The following CYYR1 variants were observed in gnomAD, a reference collection of about 807,000 sequenced individuals.
The protein encoded by CYYR1 is cysteine and tyrosine rich 1.
In CYYR1, 14 loss-of-function variants were observed where a neutral mutation model predicts 15.2. The ratio of observed to expected loss-of-function variants is 0.92; its 90% confidence interval spans 0.61 to 1.44. The LOEUF (loss-of-function observed/expected upper bound fraction) is 1.44. CYYR1 is among the 40% of genes most tolerant of loss of function. CYYR1 has a pLI of 0.00. For missense variants in CYYR1, 228 were observed against 209.5 expected (o/e 1.09, Z -0.54); for synonymous variants, 80 against 77.4 (o/e 1.03, Z -0.18).
At chr21:26,567,019 A>T (rs1298611726) in intron 1 of CYYR1, among the ~76,000 whole-genome samples, 1 of 152,112 alleles carries the variant, frequency 6.6e-6, no homozygotes, top group African/African-American at 2.4e-5. Context: ...AAAAAAAAAA[A>T]AAAAAAAAAG....
At chr21:26,570,464 C>T (rs1980938752) in intron 1 of CYYR1, among the ~76,000 whole-genome samples, 3 of 152,276 alleles carry the variant, frequency 2.0e-5, no homozygotes, top group South Asian at 2.1e-4. Context: ...TGGCTGAGGC[C>T]CGGAAGGTAA....
At chr21:26,566,115 G>A (rs144109364) in intron 2 of CYYR1, 151 bp downstream of exon 2, 100 of 565,104 alleles carry the variant, frequency 1.8e-4, no homozygotes, top group African/African-American at 1.6e-3. Context: ...ATTAGATAGC[G>A]ATGTGTTAAT....
At chr21:26,502,075 A>G (rs1259521599) in intron 2 of CYYR1, among the ~76,000 whole-genome samples, 1 of 152,196 alleles carries the variant, frequency 6.6e-6, no homozygotes, top group Non-Finnish European at 1.5e-5. Context: ...ATCCTAAAAT[A>G]TTTCATTCTA....
chr21:26,536,194 A>G (rs1438139027), intron 2 of CYYR1, among the ~76,000 whole-genome samples: 1 of 152,130 alleles, frequency 6.6e-6, no homozygotes, highest in African/African-American at 2.4e-5. Flanking sequence ...GTCCACCCCC[A>G]TGATTCAATT....
intron 3 of CYYR1, among the ~76,000 whole-genome samples, chr21:26,472,642 G>A (rs924849192): frequency 6.6e-6 from 1 of 151,862 alleles, no homozygotes; most frequent in Non-Finnish European, 1.5e-5. Context: ...TCTAAATGAG[G>A]ATCTTAATTT....
chr21:26,511,157 T>C (rs1230264849), intron 2 of CYYR1, among the ~76,000 whole-genome samples: 2 of 152,242 alleles, frequency 1.3e-5, no homozygotes, highest in Non-Finnish European at 2.9e-5. Flanking sequence ...TTTCACATAG[T>C]AAACAGATAT....
chr21:26,482,361 A>G, intron 2 of CYYR1: 13 of 985,344 alleles, frequency 1.3e-5, no homozygotes, highest in Non-Finnish European at 1.6e-5. Flanking sequence ...TTCCCACATT[A>G]TCAGTAGCTT....
At chr21:26,549,247 G>C in intron 2 of CYYR1, among the ~76,000 whole-genome samples, 1 of 151,912 alleles carries the variant, frequency 6.6e-6, no homozygotes. Context: ...ATAAATTTTG[G>C]GGTTCTGCAG....
chr21:26,566,240 T>A (rs1217904695), intron 2 of CYYR1, 26 bp downstream of exon 2: 1 of 1,530,520 alleles, frequency 6.5e-7, no homozygotes, highest in Non-Finnish European at 9.1e-7. Flanking sequence ...AGAGCATCAG[T>A]ATTGCCAAAT....
chr21:26,561,946 C>A (rs1980233206), intron 2 of CYYR1, among the ~76,000 whole-genome samples: 1 of 152,164 alleles, frequency 6.6e-6, no homozygotes, highest in African/African-American at 2.4e-5. Flanking sequence ...ATTCTACCAA[C>A]TCCGAAGAGG....
At chr21:26,562,970 C>T (rs1202661710) in intron 2 of CYYR1, among the ~76,000 whole-genome samples, 5 of 151,960 alleles carry the variant, frequency 3.3e-5, no homozygotes, top group Non-Finnish European at 7.4e-5. Context: ...TCTTTGGATC[C>T]CAGGACCTAG....
chr21:26,566,184 CACTT>C lies in CYYR1; in HGVS notation c.176+78_176+81del, dbSNP rs1268937578. ...CTTGAAATCTCTTGCCCACAACTAT[CACTT>C]AGTACTTTTAAAAGACATAACTGGA... On this transcript the variant is annotated intron_variant, in intron 2 of 3. Coordinates refer to ENST00000652641, the MANE Select transcript of CYYR1 (RefSeq NM_001320768.2). 25 of 1,001,336 alleles carry C rather than the reference CACTT, an allele frequency of 2.5e-5. No homozygotes were observed. In the East Asian group the frequency reaches 5.4e-4, roughly 22 times the overall value. 62.0% of individuals were successfully genotyped at this position (1,001,336 alleles called of 1,614,324 possible). A position where few individuals can be genotyped will look rare whatever the true frequency, so the allele number is the denominator to read the frequency against.
chr21:26,483,866 A>G (rs1410067991), intron 2 of CYYR1, among the ~76,000 whole-genome samples: 1 of 152,030 alleles, frequency 6.6e-6, no homozygotes, highest in African/African-American at 2.4e-5. Context: ...CCTCATTTAT[A>G]AAGGGAAGGT....
At chr21:26,537,118 C>A (rs115620669) in intron 2 of CYYR1, among the ~76,000 whole-genome samples, 1 of 152,062 alleles carries the variant, frequency 6.6e-6, no homozygotes, top group South Asian at 2.1e-4. Context: ...GATGAGCCTA[C>A]GTTAATTAAC....
chr21:26,478,691 A>AG (rs2065134183), intron 3 of CYYR1, among the ~76,000 whole-genome samples: 1 of 152,112 alleles, frequency 6.6e-6, no homozygotes, highest in African/African-American at 2.4e-5. Flanking sequence ...AATAGACCCC[A>AG]GGGGGCAAAG....
At chr21:26,550,401 AG>A (rs1979302868) in intron 2 of CYYR1, 1 of 152,214 alleles carries the variant, frequency 6.6e-6, no homozygotes, top group Non-Finnish European at 1.5e-5. Flanking sequence ...TTAAAATGAA[AG>A]GAAGTGTAAA....
intron 2 of CYYR1, among the ~76,000 whole-genome samples, chr21:26,486,480 A>T (rs989989621): frequency 6.6e-6 from 1 of 152,008 alleles, no homozygotes; most frequent in African/African-American, 2.4e-5. Flanking sequence ...TTATTACCAG[A>T]TTATTTTGCC....
intron 3 of CYYR1, among the ~76,000 whole-genome samples, chr21:26,469,330 A>G (rs563521299): frequency 6.6e-6 from 1 of 152,268 alleles, no homozygotes; most frequent in Non-Finnish European, 1.5e-5. Context: ...GGGGGGTGGA[A>G]CCATTACAGA....
intron 2 of CYYR1, chr21:26,551,377 T>G (rs1244094678): frequency 6.6e-6 from 1 of 152,602 alleles, no homozygotes; most frequent in Non-Finnish European, 1.5e-5. Context: ...AAATAAATTT[T>G]GTAAGGCTAT....
Sources: allele counts gnomAD v4.1 joint callset (sites outside exome capture counted in the v4.1 genomes callset), GRCh38; gene constraint gnomAD v4.1.1; transcripts MANE v1.5; gene names NCBI Gene and HGNC (gene_info 2026-07-23, HGNC 2026-07-21).